FBXL5: variants seen among roughly 807,000 people sequenced by gnomAD.
The protein encoded by FBXL5 is F-box/LRR-repeat protein 5.
In FBXL5, 26 loss-of-function variants were observed where a neutral mutation model predicts 78.3. The observed-to-expected ratio is 0.33, with a 90% confidence interval of 0.24 to 0.46. The LOEUF (loss-of-function observed/expected upper bound fraction) is 0.46, where lower values mean the gene tolerates loss of function less well. Among genes scored for constraint, FBXL5 ranks in the 20% least tolerant of loss-of-function variants. The pLI is 1.00. For missense variants in FBXL5, 710 were observed against 829.2 expected (o/e 0.86, Z 1.77); for synonymous variants, 295 against 282.5 (o/e 1.04, Z -0.45).
At chr4:15,661,000 C>G (rs1004668533), upstream of FBXL5, among the ~76,000 whole-genome samples, 1 of 151,886 alleles carries the variant, frequency 6.6e-6, no homozygotes, top group Non-Finnish European at 1.5e-5. Flanking sequence ...TCACTTAAAC[C>G]TGAGAGAAGG....
At chr4:15,660,741 A>C (rs1409335290), upstream of FBXL5, among the ~76,000 whole-genome samples, 1 of 152,206 alleles carries the variant, frequency 6.6e-6, no homozygotes, top group Non-Finnish European at 1.5e-5. Flanking sequence ...TCCCAGGCTG[A>C]CTTGTTAAGG....
intron 1 of FBXL5, among the ~76,000 whole-genome samples, chr4:15,679,592 ACCAACACCCAATGGTC>A (rs1008330528): frequency 2.6e-5 from 4 of 151,698 alleles, no homozygotes; most frequent in African/African-American, 9.7e-5. Flanking sequence ...AAAACAAAAA[ACCAACACCCAATGGTC>A]CCAATTCAAT....
At chr4:15,626,834 T>C (rs1030704026) in intron 8 of FBXL5, 39 bp downstream of exon 8, 3 of 1,369,338 alleles carry the variant, frequency 2.2e-6, no homozygotes, top group African/African-American at 1.7e-5. Context: ...CCTTATAAAA[T>C]AGTTTTTCAT....
At chr4:15,676,693 G>C (rs1020381322) in intron 1 of FBXL5, among the ~76,000 whole-genome samples, 12 of 151,858 alleles carry the variant, frequency 7.9e-5, no homozygotes, top group African/African-American at 2.7e-4. Context: ...TGAGTATTAC[G>C]GGGGGGAGGG....
chr4:15,673,044 A>G (rs940562418), intron 1 of FBXL5, among the ~76,000 whole-genome samples: 4 of 152,206 alleles, frequency 2.6e-5, no homozygotes, highest in Non-Finnish European at 5.9e-5. Context: ...CAAAGCTGTC[A>G]TCTATGATAA....
chr4:15,612,975 A>G (rs1198994835), intron 9 of FBXL5, among the ~76,000 whole-genome samples: 1 of 152,248 alleles, frequency 6.6e-6, no homozygotes, highest in Non-Finnish European at 1.5e-5. Flanking sequence ...TAATAAATGG[A>G]TAAATAAAAT....
intron 1 of FBXL5, among the ~76,000 whole-genome samples, chr4:15,654,180 A>G (rs1233372397): frequency 1.3e-5 from 2 of 152,172 alleles, no homozygotes; most frequent in Non-Finnish European, 2.9e-5. Flanking sequence ...GTTCTGCATA[A>G]TGCTATGCAA....
intron 3 of FBXL5, among the ~76,000 whole-genome samples, chr4:15,640,392 T>TG (rs1491378140): frequency 5.2e-5 from 1 of 19,246 alleles, no homozygotes; most frequent in African/African-American, 1.7e-4. Context: ...ACTACACTAC[T>TG]GAAAAAAAAA....
chr4:15,653,579 T>C (rs941614283), intron 1 of FBXL5, among the ~76,000 whole-genome samples: 3 of 152,136 alleles, frequency 2.0e-5, no homozygotes, highest in Admixed American at 2.0e-4. Flanking sequence ...CTCTCCACAG[T>C]CTAAAGTGGA....
At position 15,629,378 on chromosome 4, in the gene FBXL5, C is replaced by T. The variant is rs188596356; in HGVS notation, c.892+1288G>A. Among the ~76,000 whole-genome samples the T allele has an allele frequency of 2.6e-5, 4 of 152,256 alleles. No homozygotes were observed. In the East Asian group the frequency reaches 7.7e-4, roughly 29 times the overall value. On this transcript the variant is annotated intron_variant, in intron 6 of 10. Transcript: ENST00000341285. ...CTTAAGTTGACATCTGAGCAAATAT[C>T]TCATCTCCTTCAGGTCTTTACTCAA... is the stretch of plus-strand genomic sequence containing the variant.
At chr4:15,616,527 G>A (rs140597757) in intron 9 of FBXL5, among the ~76,000 whole-genome samples, 16 of 152,270 alleles carry the variant, frequency 1.1e-4, no homozygotes, top group Non-Finnish European at 1.3e-4. Flanking sequence ...TTCTGTGCTC[G>A]TATCTGAACT....
At position 15,633,575 on chromosome 4, in the gene FBXL5, G is replaced by A. The variant is rs541853847; in HGVS notation, c.767-2784C>T. On this transcript the variant is annotated intron_variant, in intron 5 of 10. Coordinates refer to ENST00000341285, the MANE Select transcript of FBXL5 (RefSeq NM_012161.4). Reference sequence around the variant, plus strand: ...TAAATTATATGATCATGAAATGAGAGATTATGCGGAATCAATTTACTGAAC... The same window carrying A: ...TAAATTATATGATCATGAAATGAGAAATTATGCGGAATCAATTTACTGAAC... 3.0e-3 allele frequency among the ~76,000 whole-genome samples: 458 copies of A among 152,298 alleles called. 3 individuals carry two copies. The highest frequency in any genetic ancestry group is 6.8e-3 in the Middle Eastern group (2 of 294).
intron 8 of FBXL5, 112 bp from the exon 9 acceptor site, chr4:15,626,089 CT>C: frequency 1.1e-5 from 11 of 970,052 alleles, no homozygotes; most frequent in Non-Finnish European, 1.6e-5. Context: ...AATATAATCA[CT>C]TAAGTATTTA....
intron 9 of FBXL5, among the ~76,000 whole-genome samples, chr4:15,618,457 T>C (rs77002441): frequency 0.016 from 2,482 of 152,336 alleles, 69 homozygotes; most frequent in African/African-American, 0.056. Flanking sequence ...AAAATCTGAA[T>C]TGACTTATAA....
chr4:15,618,317 T>C (rs1296586447), intron 9 of FBXL5, among the ~76,000 whole-genome samples: 1 of 152,110 alleles, frequency 6.6e-6, no homozygotes. Context: ...GGATTGCTTA[T>C]ACCTAGGAGT....
chr4:15,640,357 T>C (rs2148645860), intron 3 of FBXL5, among the ~76,000 whole-genome samples: 1 of 136,894 alleles, frequency 7.3e-6, no homozygotes, highest in East Asian at 2.2e-4. Context: ...GACTAATACA[T>C]TTAAAGCCAC....
chr4:15,655,472 C>T (rs1716803411), upstream of FBXL5: 1 of 851,342 alleles, frequency 1.2e-6, no homozygotes. Context: ...CCCTGCGGCC[C>T]ACGTGACCGG....
intron 1 of FBXL5, among the ~76,000 whole-genome samples, chr4:15,651,571 T>C (rs1240822874): frequency 1.3e-5 from 2 of 152,140 alleles, no homozygotes; most frequent in East Asian, 1.9e-4. Flanking sequence ...GTTACAGGTA[T>C]GCAGAAAAAT....
At chr4:15,619,606 T>C (rs1245229081) in intron 9 of FBXL5, among the ~76,000 whole-genome samples, 1 of 152,054 alleles carries the variant, frequency 6.6e-6, no homozygotes, top group African/African-American at 2.4e-5. Context: ...AAGGTAAAAA[T>C]GTACACTATT....
Sources: allele counts gnomAD v4.1 joint callset (sites outside exome capture counted in the v4.1 genomes callset), GRCh38; gene constraint gnomAD v4.1.1; transcripts MANE v1.5; gene names NCBI Gene and HGNC (gene_info 2026-07-23, HGNC 2026-07-21).